The following GLCCI1 variants were observed in gnomAD, a reference collection of about 807,000 sequenced individuals.
GLCCI1 encodes glucocorticoid induced 1.
Under a neutral mutation model 52.2 loss-of-function variants are expected in GLCCI1, and 24 were observed. The ratio of observed to expected loss-of-function variants is 0.46; its 90% CI spans 0.33 to 0.65. The LOEUF (loss-of-function observed/expected upper bound fraction) is 0.65. GLCCI1 is among the 30% of genes least tolerant of loss of function. The pLI is 0.02. For missense variants in GLCCI1, 704 were observed against 701.5 expected, an observed-to-expected ratio of 1.00 and a Z score of -0.04; for synonymous variants, 310 against 276.5, an observed-to-expected ratio of 1.12 and a Z score of -1.20.
intron 7 of GLCCI1, 150 bp downstream of exon 7, chr7:8,085,167 G>C (rs1459641060): frequency 1.2e-6 from 1 of 834,222 alleles, no homozygotes. Context: ...AGGCAAGAGA[G>C]ATCTTACTGA....
chr7:8,007,903 A>C (rs1781188609), intron 2 of GLCCI1, among the ~76,000 whole-genome samples: 1 of 152,238 alleles, frequency 6.6e-6, no homozygotes, highest in South Asian at 2.1e-4. Flanking sequence ...CATGTATTCA[A>C]ATCAAGGCCC....
Position 7,969,732 on chromosome 7 carries a change from C to T in GLCCI1, c.382C>T (p.Pro128Ser), listed in dbSNP as rs950671174. ...AEQAPRAKGRPRRSPESHRRS... is the reference protein window; with the variant it reads ...AEQAPRAKGRSRRSPESHRRS... ...GCAGGCGCCGCGGGCCAAGGGCCGCCCGAGACGGTCCCCAGAGAGCCACCG... is the reference window on the plus strand; with the variant it reads ...GCAGGCGCCGCGGGCCAAGGGCCGCTCGAGACGGTCCCCAGAGAGCCACCG... The change falls in exon 1 of 8, where the codon CCG becomes TCG. Residue 128 changes from proline (P) to serine (S), a missense_variant. Pro to Ser is a moderately conservative substitution (Grantham distance 74). Coordinates refer to ENST00000223145, the MANE Select transcript of GLCCI1 (RefSeq NM_138426.4). This position sits in a 1 kb window ranked among gnomAD's most constrained non-coding sequence, Gnocchi z 4.9. 2.8e-6 allele frequency: 4 copies of T among 1,444,896 alleles called. No individual in the cohort carries two copies. The East Asian group carries it at 1.3e-4, about 46-fold the overall frequency. 89.5% of individuals were successfully genotyped at this position (1,444,896 alleles called of 1,614,324 possible).
rs571726894 is a variant in GLCCI1 at position 8,023,588 on chromosome 7, CTTTTTTTT to C, written c.696+1040_696+1047del. ...AGATGGTCATCTAATCTCTGTTATT[CTTTTTTTT>C]TTTTTTTTTTTTTTTTTTTTGAGGT... On this transcript the variant is annotated intron_variant, in intron 3 of 7. Coordinates refer to ENST00000223145, the MANE Select transcript of GLCCI1 (RefSeq NM_138426.4). Among the ~76,000 whole-genome samples the C allele has an allele frequency of 3.6e-3, 150 of 41,982 alleles. No individual in the cohort carries two copies. In the East Asian group the frequency reaches 0.036, roughly 10 times the overall value. The allele number at this position is 41,982 out of a possible 152,430, so 27.5% of individuals were successfully genotyped here. A position where few individuals can be genotyped will look rare whatever the true frequency, so the allele number is the denominator to read the frequency against.
chr7:8,056,003 A>C (rs9771315), intron 4 of GLCCI1, among the ~76,000 whole-genome samples: 1 of 136,788 alleles, frequency 7.3e-6, no homozygotes, highest in Middle Eastern at 4.3e-3. Flanking sequence ...AAAAAAAAAA[A>C]AAAACAAAAA....
chr7:8,009,369 C>T (rs999966928), intron 2 of GLCCI1, among the ~76,000 whole-genome samples: 4 of 151,928 alleles, frequency 2.6e-5, no homozygotes, highest in Non-Finnish European at 5.9e-5. Flanking sequence ...TTTTTAAATG[C>T]GAAAGTAATA....
At chr7:8,070,657 G>A (rs917108239) in intron 5 of GLCCI1, 2 of 319,962 alleles carry the variant, frequency 6.3e-6, no homozygotes, top group Admixed American at 9.6e-5. Context: ...TCCTTGAAGA[G>A]TTTTGTGGGA....
chr7:8,017,060 GT>G (rs1346187559), intron 2 of GLCCI1, among the ~76,000 whole-genome samples: 1 of 152,184 alleles, frequency 6.6e-6, no homozygotes, highest in Non-Finnish European at 1.5e-5. Flanking sequence ...TGTGTTTGCT[GT>G]CTTACAAATA....
chr7:8,011,799 GTTGTTGTTGTTT>G (rs1392552363), intron 2 of GLCCI1, among the ~76,000 whole-genome samples: 2 of 151,216 alleles, frequency 1.3e-5, no homozygotes, highest in African/African-American at 4.9e-5. Flanking sequence ...TCTTGTTGTT[GTTGTTGTTGTTT>G]TTTGTTTTTT....
intron 2 of GLCCI1, among the ~76,000 whole-genome samples, chr7:8,010,736 A>T (rs908897552): frequency 3.3e-5 from 5 of 152,152 alleles, no homozygotes; most frequent in African/African-American, 9.7e-5. Flanking sequence ...CCTACTACTT[A>T]AAAAAAGTAT....
chr7:7,971,035 T>G (rs1361935189), intron 1 of GLCCI1, among the ~76,000 whole-genome samples: 1 of 152,214 alleles, frequency 6.6e-6, no homozygotes, highest in African/African-American at 2.4e-5. Flanking sequence ...TGTTTTAATA[T>G]TTCAGACCCG....
At chr7:8,041,011 G>C (rs1288774868) in intron 3 of GLCCI1, among the ~76,000 whole-genome samples, 1 of 152,182 alleles carries the variant, frequency 6.6e-6, no homozygotes, top group Non-Finnish European at 1.5e-5. Context: ...ATTAAGCTTA[G>C]TGAGGAAGGC....
chr7:8,060,868 A>G (rs1259570093), intron 5 of GLCCI1, among the ~76,000 whole-genome samples: 2 of 152,246 alleles, frequency 1.3e-5, no homozygotes, highest in South Asian at 2.1e-4. Context: ...TGGTAACTCT[A>G]TGTTTAACTT....
In GLCCI1 at chr7:7,969,318, C is replaced by G. The variant is rs1242111728; in HGVS notation, c.-33C>G. On this transcript the variant is annotated 5_prime_UTR_variant, in exon 1 of 8. Coordinates refer to ENST00000223145, the MANE Select transcript of GLCCI1 (RefSeq NM_138426.4). The surrounding 1 kb of genome is among the most constrained non-coding windows in gnomAD (Gnocchi z 4.9). The stretch of plus-strand genomic sequence containing the variant: ...CGCCTCCCGCCCCGCGCCTCCGTGT[C>G]GGCCGGCGGCGTCCAGGGCCCGCAG... 3.6e-6 allele frequency: 5 copies of G among 1,388,028 alleles called. No homozygotes were observed. The highest frequency in any genetic ancestry group is 4.7e-6 in the Non-Finnish European group (5 of 1,064,104). The allele number at this position is 1,388,028 out of a possible 1,614,324, so 86.0% of individuals were successfully genotyped here.
chr7:7,982,732 T>G (rs1780646928), intron 1 of GLCCI1, among the ~76,000 whole-genome samples: 1 of 152,164 alleles, frequency 6.6e-6, no homozygotes, highest in African/African-American at 2.4e-5. Context: ...TTTCTCAATT[T>G]TGTATAAATG....
intron 3 of GLCCI1, among the ~76,000 whole-genome samples, chr7:8,031,622 T>A (rs144967092): frequency 1.8e-4 from 28 of 152,256 alleles, no homozygotes; most frequent in Admixed American, 2.6e-4. Context: ...GTGATTATTA[T>A]GCATTGCATG....
At chr7:8,027,990 T>C (rs1472833320) in intron 3 of GLCCI1, among the ~76,000 whole-genome samples, 1 of 152,212 alleles carries the variant, frequency 6.6e-6, no homozygotes, top group African/African-American at 2.4e-5. Flanking sequence ...AAGAGGAAGA[T>C]AGACCCCAAT....
At chr7:7,984,451 A>G (rs1303357189) in intron 1 of GLCCI1, among the ~76,000 whole-genome samples, 1 of 152,124 alleles carries the variant, frequency 6.6e-6, no homozygotes, top group East Asian at 1.9e-4. Flanking sequence ...GTCCCTCCTA[A>G]AGACTGTGGT....
At chr7:8,055,952 C>T (rs1782386734) in intron 4 of GLCCI1, among the ~76,000 whole-genome samples, 2 of 147,898 alleles carry the variant, frequency 1.4e-5, no homozygotes, top group African/African-American at 2.5e-5. Context: ...AAGATCGCGC[C>T]GCTGCACTTC....
intron 5 of GLCCI1, among the ~76,000 whole-genome samples, chr7:8,062,230 G>A (rs1782535510): frequency 6.6e-6 from 1 of 152,132 alleles, no homozygotes; most frequent in Non-Finnish European, 1.5e-5. Flanking sequence ...TTAGATTTAT[G>A]ATTAAGTGTA....
Sources: allele counts gnomAD v4.1 joint callset (sites outside exome capture counted in the v4.1 genomes callset), GRCh38; gene constraint gnomAD v4.1.1; non-coding constraint Gnocchi (gnomAD v3.1); transcripts MANE v1.5; gene names NCBI Gene and HGNC (gene_info 2026-07-23, HGNC 2026-07-21).